RASGRP1: variants seen among roughly 807,000 people sequenced by gnomAD.
RASGRP1 encodes the protein RAS guanyl releasing protein 1.
A neutral mutation model predicts 95.1 loss-of-function variants in RASGRP1; 37 were observed. That is an observed-to-expected ratio of 0.39 (90% CI 0.30 to 0.51). The LOEUF (loss-of-function observed/expected upper bound fraction) is 0.51. Among genes scored for constraint, RASGRP1 ranks in the 20% least tolerant of loss-of-function variants. RASGRP1 has a pLI of 0.80. For synonymous variants in RASGRP1, 325 were observed against 353.4 expected (o/e 0.92, Z 0.90); for missense variants, 711 against 965.4 (o/e 0.74, Z 3.49).
intron 8 of RASGRP1, among the ~76,000 whole-genome samples, chr15:38,510,352 T>C (rs1205064275): frequency 6.6e-6 from 1 of 152,224 alleles, no homozygotes; most frequent in East Asian, 1.9e-4. Context: ...CGTTAAGGAA[T>C]GAAGAGGTGA....
intron 3 of RASGRP1, among the ~76,000 whole-genome samples, chr15:38,522,994 C>T (rs530866858): frequency 5.3e-5 from 8 of 152,110 alleles, no homozygotes; most frequent in African/African-American, 1.4e-4. Flanking sequence ...AGAGAGACCA[C>T]GGAGACATGA....
intron 2 of RASGRP1, among the ~76,000 whole-genome samples, chr15:38,537,988 G>A (rs192347900): frequency 1.3e-5 from 2 of 152,220 alleles, no homozygotes; most frequent in African/African-American, 4.8e-5. Context: ...AAGGGGCTGG[G>A]CACGGTGGCT....
At chr15:38,538,167 G>A (rs956579767) in intron 2 of RASGRP1, among the ~76,000 whole-genome samples, 1 of 152,204 alleles carries the variant, frequency 6.6e-6, no homozygotes, top group Non-Finnish European at 1.5e-5. Flanking sequence ...AGGAGGCTGA[G>A]GCATGAGAAT....
chr15:38,561,801 C>T (rs1893823152), intron 1 of RASGRP1, among the ~76,000 whole-genome samples: 1 of 152,182 alleles, frequency 6.6e-6, no homozygotes, highest in Non-Finnish European at 1.5e-5. Context: ...AAGATCAAGT[C>T]GGTGGTACAG....
intron 3 of RASGRP1, among the ~76,000 whole-genome samples, chr15:38,521,791 T>C (rs1173011567): frequency 1.3e-5 from 2 of 152,198 alleles, no homozygotes; most frequent in East Asian, 3.8e-4. Flanking sequence ...TTTTCAAATT[T>C]ATCCCTCTCT....
At position 38,526,892 on chromosome 15, in the gene RASGRP1, A is replaced by T. The variant is rs1486607719; in HGVS notation, c.221-488T>A. ...CGTCCCATGGCCTTGGAAGGGGCTC[A>T]TGCAAGTGAGGAGCCCTGAAATATA... is the stretch of plus-strand genomic sequence containing the variant. On this transcript the variant is annotated intron_variant, in intron 2 of 16. Transcript: ENST00000310803. 3.9e-5 allele frequency among the ~76,000 whole-genome samples: 6 copies of T among 152,356 alleles called. No individual in the cohort carries two copies. The East Asian group carries it at 1.2e-3, about 29-fold the overall frequency.
intron 2 of RASGRP1, chr15:38,534,795 G>A (rs1244519156): frequency 6.6e-6 from 1 of 152,328 alleles, no homozygotes; most frequent in Non-Finnish European, 1.5e-5. Flanking sequence ...AGCCAACGTG[G>A]AAAAGACTTG....
chr15:38,546,092 T>C (rs1260466799), intron 2 of RASGRP1, among the ~76,000 whole-genome samples: 1 of 152,236 alleles, frequency 6.6e-6, no homozygotes, highest in African/African-American at 2.4e-5. Context: ...GCAAGCTGCA[T>C]TATTAACCTG....
rs2141076698 is a variant in RASGRP1, at chr15:38,494,577, A to C, written c.2064T>G (p.Gly688=). The part of the protein sequence containing the change: ...QPWIGSEGPS[G]PFVLSSPRKT... Reference sequence around the variant, plus strand: ...TCCTTGGGGAAGACAGCACAAAGGGACCTGAAGGGCCCTCACTGCCAATCC... The same window carrying C: ...TCCTTGGGGAAGACAGCACAAAGGGCCCTGAAGGGCCCTCACTGCCAATCC... The change falls in exon 16 of 17, where the codon GGT becomes GGG. Residue 688 remains glycine, a synonymous_variant. Coordinates refer to ENST00000310803, the MANE Select transcript of RASGRP1 (RefSeq NM_005739.4). The C allele has an allele frequency of 1.9e-6, 3 of 1,565,626 alleles. No individual in the cohort carries two copies. The highest frequency in any genetic ancestry group is 2.3e-5 in the East Asian group (1 of 43,024).
intron 2 of RASGRP1, among the ~76,000 whole-genome samples, chr15:38,547,435 C>T (rs1893146500): frequency 6.6e-6 from 1 of 152,130 alleles, no homozygotes; most frequent in African/African-American, 2.4e-5. Context: ...AGTTCCTTTC[C>T]CTCAGATAAG....
intron 2 of RASGRP1, among the ~76,000 whole-genome samples, chr15:38,543,369 G>A (rs746893283): frequency 5.9e-5 from 9 of 152,052 alleles, no homozygotes; most frequent in Non-Finnish European, 1.3e-4. Flanking sequence ...CTTCCAGAAC[G>A]TGCTATTCTG....
At chr15:38,534,387 T>C (rs1892556637) in intron 2 of RASGRP1, 1 of 152,240 alleles carries the variant, frequency 6.6e-6, no homozygotes, top group Non-Finnish European at 1.5e-5. Flanking sequence ...CTGGCCCACA[T>C]AGGACAGCCT....
intron 1 of RASGRP1, among the ~76,000 whole-genome samples, chr15:38,562,652 T>C (rs571371749): frequency 5.8e-4 from 88 of 152,298 alleles, no homozygotes; most frequent in Non-Finnish European, 9.7e-4. Flanking sequence ...CCACAATACT[T>C]CTCCCTAGAC....
At chr15:38,505,942 G>C in intron 9 of RASGRP1, 22 bp from the exon 10 acceptor site, 4 of 1,568,266 alleles carry the variant, frequency 2.6e-6, no homozygotes, top group South Asian at 2.3e-5. Context: ...AGCAGAACAG[G>C]GTTCATTGCT....
intron 6 of RASGRP1, among the ~76,000 whole-genome samples, chr15:38,513,744 C>T (rs929825177): frequency 9.9e-5 from 15 of 152,220 alleles, no homozygotes; most frequent in African/African-American, 3.6e-4. Context: ...CAAAGAATCC[C>T]TCTGCTCAAA....
At chr15:38,545,861 T>G (rs935263702) in intron 2 of RASGRP1, among the ~76,000 whole-genome samples, 1 of 152,224 alleles carries the variant, frequency 6.6e-6, no homozygotes, top group Admixed American at 6.5e-5. Context: ...TCTGGTTGGA[T>G]TTCCATCATT....
intron 6 of RASGRP1, among the ~76,000 whole-genome samples, chr15:38,515,476 ATTC>A (rs1891722169): frequency 2.0e-5 from 3 of 152,154 alleles, no homozygotes; most frequent in Admixed American, 2.0e-4. Flanking sequence ...TAGAACTAAT[ATTC>A]TTTGGGATCA....
chr15:38,491,834 C>G (rs530011695), intron 16 of RASGRP1, among the ~76,000 whole-genome samples: 14 of 152,324 alleles, frequency 9.2e-5, no homozygotes, highest in African/African-American at 3.4e-4. Context: ...AGAGGGTTTA[C>G]TGGCTCTGAT....
At chr15:38,526,622 T>A (rs1393947715) in intron 2 of RASGRP1, among the ~76,000 whole-genome samples, 1 of 151,970 alleles carries the variant, frequency 6.6e-6, no homozygotes. Flanking sequence ...CCCCTTTTCC[T>A]CTCCACAGTG....
Sources: allele counts gnomAD v4.1 joint callset (sites outside exome capture counted in the v4.1 genomes callset), GRCh38; gene constraint gnomAD v4.1.1; transcripts MANE v1.5; gene names NCBI Gene and HGNC (gene_info 2026-07-23, HGNC 2026-07-21).